Variants in A2ML1 observed in about 807,000 individuals in gnomAD.
A2ML1 encodes the protein alpha-2-macroglobulin like 1.
Under a neutral mutation model 181.9 loss-of-function variants are expected in A2ML1, and 161 were observed. The ratio of observed to expected loss-of-function variants is 0.89; its 90% CI spans 0.78 to 1.01. The LOEUF is 1.01. Among genes scored for constraint, A2ML1 ranks in the 50% least tolerant of loss-of-function variants. The probability of loss-of-function intolerance (pLI) is 0.00; values close to 1 mark genes in which losing one functional copy is unlikely to be tolerated. For missense variants in A2ML1, 1,670 were observed against 1,768.1 expected (o/e 0.94, Z 1.00); for synonymous variants, 663 against 666.8 (o/e 0.99, Z 0.09).
At chr12:8,827,647 T>C (rs970901109) in intron 3 of A2ML1, among the ~76,000 whole-genome samples, 4 of 152,174 alleles carry the variant, frequency 2.6e-5, no homozygotes, top group African/African-American at 9.7e-5. Context: ...TCCAACATGG[T>C]CTTGATGTGG....
At chr12:8,827,789 T>C (rs1942977595) in intron 3 of A2ML1, among the ~76,000 whole-genome samples, 2 of 152,136 alleles carry the variant, frequency 1.3e-5, no homozygotes, top group Admixed American at 1.3e-4. Context: ...GTAATCTAAG[T>C]GTTTGGACTC....
chr12:8,885,403 G>C (rs1944912243), intron 7 of A2ML1, among the ~76,000 whole-genome samples: 1 of 151,818 alleles, frequency 6.6e-6, no homozygotes, highest in South Asian at 2.1e-4. Flanking sequence ...CTTTACTTCA[G>C]GGTCAAAAAA....
In A2ML1 at chr12:8,854,784, A is replaced by T; in HGVS notation, c.2717A>T (p.Glu906Val). ...TLIKPVLVKP[E>V]GVLVEKTHSS... ...CTGTGTCTCTCTTCATCGCAGCCTG[A>T]GGGAGTCCTGGTGGAGAAGACACAC... Residue 906 changes from glutamate (E) to valine (V), a missense_variant, in exon 22 of 36, where the codon GAG becomes GTG. Coordinates refer to ENST00000299698, the MANE Select transcript of A2ML1 (RefSeq NM_144670.6). The T allele has an allele frequency of 6.2e-7, 1 of 1,613,858 alleles. No individual in the cohort carries two copies. The highest frequency in any genetic ancestry group is 1.1e-5 in the South Asian group (1 of 91,076).
At chr12:8,855,899 C>T (rs1353554128) in intron 23 of A2ML1, among the ~76,000 whole-genome samples, 1 of 152,080 alleles carries the variant, frequency 6.6e-6, no homozygotes, top group Admixed American at 6.6e-5. Context: ...TTGCAGCAAC[C>T]ATTTTCAAAA....
In A2ML1 at chr12:8,851,831, C is replaced by A. The variant is rs1479353715; in HGVS notation, c.2282C>A (p.Thr761Asn). 5 of 1,614,210 alleles carry A rather than the reference C, an allele frequency of 3.1e-6. No individual in the cohort carries two copies. The highest frequency in any genetic ancestry group is 1.7e-5 in the Admixed American group (1 of 60,016). The change falls in exon 19 of 36, where the codon ACC (threonine) becomes AAC (asparagine). Residue 761 changes from threonine to asparagine, a missense_variant. Coordinates refer to ENST00000299698, the MANE Select transcript of A2ML1 (RefSeq NM_144670.6). The stretch of plus-strand genomic sequence containing the variant: ...CACGTCACAGTTCCTGACGCCATCA[C>A]CGAGTGGAAGGCGATGAGTTTCTGC... ...AVHVTVPDAI[T>N]EWKAMSFCTS...
intron 21 of A2ML1, 43 bp from the exon 22 acceptor site, chr12:8,854,737 T>G (rs772952191): frequency 1.9e-6 from 3 of 1,608,096 alleles, no homozygotes; most frequent in African/African-American, 2.7e-5. Flanking sequence ...TCCCTCCTGA[T>G]GTTCATCTTT....
intron 7 of A2ML1, among the ~76,000 whole-genome samples, chr12:8,883,450 T>C (rs1012045170): frequency 2.0e-5 from 3 of 152,230 alleles, no homozygotes; most frequent in Non-Finnish European, 2.9e-5. Flanking sequence ...CGGAAGTCCC[T>C]GGAAAGTATT....
intron 8 of A2ML1, 78 bp downstream of exon 8, chr12:8,837,644 G>T: frequency 3.5e-6 from 5 of 1,436,388 alleles, no homozygotes; most frequent in Non-Finnish European, 4.7e-6. Context: ...CACTTTGGGA[G>T]GCCGAGATGG....
intron 2 of A2ML1, 91 bp downstream of exon 2, chr12:8,823,456 T>A: frequency 7.1e-7 from 1 of 1,414,204 alleles, no homozygotes; most frequent in Non-Finnish European, 9.5e-7. Context: ...TAATTTCTGT[T>A]ATCTTTTGCC....
intron 7 of A2ML1, among the ~76,000 whole-genome samples, chr12:8,885,731 T>TGAC (rs1159663478): frequency 1.3e-5 from 2 of 152,204 alleles, no homozygotes; most frequent in Non-Finnish European, 2.9e-5. Context: ...CCCAAAGGGT[T>TGAC]GACATTACAG....
At chr12:8,882,503 AT>A (rs1360201062) in intron 7 of A2ML1, among the ~76,000 whole-genome samples, 1 of 152,228 alleles carries the variant, frequency 6.6e-6, no homozygotes, top group East Asian at 1.9e-4. Flanking sequence ...TGAAATATTT[AT>A]CATATCTCAT....
At chr12:8,857,774 C>A in intron 25 of A2ML1, 172 bp from the exon 26 acceptor site, 1 of 1,115,140 alleles carries the variant, frequency 9.0e-7, no homozygotes, top group Non-Finnish European at 1.3e-6. Context: ...CTTGTGCCTC[C>A]CCTGTTCTTG....
chr12:8,838,492 A>T (rs766877770), intron 9 of A2ML1, 42 bp downstream of exon 9: 1 of 1,512,128 alleles, frequency 6.6e-7, no homozygotes, highest in Non-Finnish European at 9.1e-7. Flanking sequence ...AAGAGAAAGA[A>T]AAAGGGCTGG....
At chr12:8,843,094 G>C in intron 11 of A2ML1, 40 bp from the exon 12 acceptor site, 2 of 1,580,016 alleles carry the variant, frequency 1.3e-6, no homozygotes, top group Non-Finnish European at 1.7e-6. Context: ...TCCATGGTTG[G>C]AGCACATGCT....
At chr12:8,839,258 T>C (rs753615723) in intron 10 of A2ML1, 36 bp downstream of exon 10, 1 of 1,501,708 alleles carries the variant, frequency 6.7e-7, no homozygotes. Flanking sequence ...GACAAAAAAA[T>C]GCATAACCAT....
chr12:8,881,152 T>C (rs946198517), downstream of A2ML1, among the ~76,000 whole-genome samples: 2 of 152,206 alleles, frequency 1.3e-5, no homozygotes, highest in African/African-American at 4.8e-5. Context: ...CCTTTTCCTC[T>C]ACCTGTTAGG....
downstream of A2ML1, among the ~76,000 whole-genome samples, chr12:8,879,047 G>A (rs952844818): frequency 6.6e-6 from 1 of 152,118 alleles, no homozygotes; most frequent in Non-Finnish European, 1.5e-5. Context: ...TGCATTAATT[G>A]TTCTGTACCT....
Position 8,846,147 on chromosome 12 carries a change from C to G in A2ML1, c.1608C>G (p.Ile536Met). The G allele has an allele frequency of 3.1e-6, 5 of 1,614,164 alleles. No individual in the cohort carries two copies. Among genetic ancestry groups the G allele is most frequent in the Non-Finnish European group, 4.2e-6 (5 of 1,180,024 alleles). Reference protein sequence around the residue: ...SRLAPDPSLVIYAIFPSGGVV... With the variant: ...SRLAPDPSLVMYAIFPSGGVV... ...TGGCCCCTGATCCTTCCCTGGTGAT[C>G]TATGCCATTTTTCCCAGTGGAGGTG... Residue 536 changes from isoleucine (I) to methionine (M), a missense_variant, in exon 14 of 36, where the codon ATC (isoleucine) becomes ATG (methionine). Transcript: ENST00000299698.
intron 4 of A2ML1, among the ~76,000 whole-genome samples, chr12:8,831,736 T>G (rs777813308): frequency 1.1e-4 from 16 of 150,312 alleles, no homozygotes; most frequent in South Asian, 6.3e-4. Flanking sequence ...GGAAATCGAG[T>G]TTTTTTTTGT....
Sources: gnomAD v4.1 joint callset for allele counts (sites outside exome capture counted in the v4.1 genomes callset) on GRCh38, gnomAD v4.1.1 for gene constraint, MANE v1.5 for transcripts, NCBI Gene and HGNC (gene_info 2026-07-23, HGNC 2026-07-21) for gene names.